GPALPP1: variants seen among roughly 807,000 people sequenced by gnomAD.
GPALPP1 encodes the protein GPALPP motifs-containing protein 1.
A neutral mutation model predicts 38.9 loss-of-function variants in GPALPP1; 30 were observed. The observed-to-expected ratio is 0.77, with a 90% CI of 0.58 to 1.05. The LOEUF (loss-of-function observed/expected upper bound fraction) is 1.05. Ranked by LOEUF, GPALPP1 falls within the 50% of genes least tolerant of loss-of-function variation. The probability of loss-of-function intolerance (pLI) is 0.00; values close to 1 mark genes in which losing one functional copy is unlikely to be tolerated. For missense variants in GPALPP1, 384 were observed against 408.8 expected (o/e 0.94, Z 0.52); for synonymous variants, 120 against 139.2 (o/e 0.86, Z 0.97).
At chr13:45,019,802 GT>G (rs139104792) in intron 6 of GPALPP1, among the ~76,000 whole-genome samples, 1 of 145,258 alleles carries the variant, frequency 6.9e-6, no homozygotes, top group African/African-American at 2.5e-5. Flanking sequence ...AGTGGAGTGG[GT>G]TTTTTTTTCC....
intron 3 of GPALPP1, among the ~76,000 whole-genome samples, chr13:45,008,155 G>A (rs1874230711): frequency 6.6e-6 from 1 of 152,198 alleles, no homozygotes; most frequent in Non-Finnish European, 1.5e-5. Context: ...GGAAACAGAT[G>A]CACTGCTTGA....
At chr13:45,027,090 C>T (rs1249334983) in intron 7 of GPALPP1, among the ~76,000 whole-genome samples, 3 of 152,146 alleles carry the variant, frequency 2.0e-5, no homozygotes, top group African/African-American at 7.2e-5. Flanking sequence ...GATACGTATA[C>T]CCCAGATTGA....
chr13:45,036,438 C>G (rs1876400185), exon 8 of GPALPP1: 2 of 152,220 alleles, frequency 1.3e-5, no homozygotes, highest in African/African-American at 4.8e-5. Context: ...AAAAAGGGAG[C>G]ACTGGTGGGC....
rs755761092 is a variant in GPALPP1, at chr13:44,995,202, A to ACACACACACACACC, written c.88+5461_88+5462insACACACACACACCC. 7.9e-4 allele frequency among the ~76,000 whole-genome samples: 43 copies of ACACACACACACACC among 54,554 alleles called. 1 individual carries two copies. In the East Asian group the frequency reaches 0.068, roughly 86 times the overall value. The allele number at this position is 54,554 out of a possible 152,430, so 35.8% of individuals were successfully genotyped here. A position where few individuals can be genotyped will look rare whatever the true frequency, so the allele number is the denominator to read the frequency against. ...CACACACACACACACACACACACAC[A>ACACACACACACACC]CCCCTTCTCTTTTGGTTTCTATGAT... is the stretch of plus-strand genomic sequence containing the variant. On this transcript the variant is annotated intron_variant, in intron 1 of 7. Coordinates refer to ENST00000379151, the MANE Select transcript of GPALPP1 (RefSeq NM_018559.5).
intron 7 of GPALPP1, among the ~76,000 whole-genome samples, chr13:45,024,789 G>A (rs746597376): frequency 2.6e-5 from 4 of 151,918 alleles, no homozygotes; most frequent in Admixed American, 6.6e-5. Context: ...TTAGCTGAGC[G>A]TGGTGGCGGG....
chr13:45,014,832 A>G, intron 4 of GPALPP1, 120 bp from the exon 5 acceptor site: 1 of 796,870 alleles, frequency 1.3e-6, no homozygotes, highest in Non-Finnish European at 1.9e-6. Flanking sequence ...CCAGCAATAC[A>G]TTGTTTACTT....
chr13:45,001,298 A>C (rs1385910555), intron 1 of GPALPP1, among the ~76,000 whole-genome samples: 1 of 152,182 alleles, frequency 6.6e-6, no homozygotes, highest in Non-Finnish European at 1.5e-5. Context: ...CTCCACAACC[A>C]TGCTGAACTG....
intron 3 of GPALPP1, among the ~76,000 whole-genome samples, chr13:45,006,593 G>A (rs1308979850): frequency 2.6e-5 from 4 of 152,140 alleles, no homozygotes; most frequent in African/African-American, 9.7e-5. Flanking sequence ...TTTATAAACA[G>A]ATAAGGTCAC....
intron 2 of GPALPP1, 47 bp downstream of exon 2, chr13:45,004,484 G>A: frequency 1.4e-6 from 2 of 1,429,638 alleles, no homozygotes; most frequent in Non-Finnish European, 9.8e-7. Context: ...TTCAGAGCTA[G>A]TATAAGTTGG....
chr13:45,019,470 T>C (rs894712334), intron 6 of GPALPP1, among the ~76,000 whole-genome samples: 1 of 152,032 alleles, frequency 6.6e-6, no homozygotes, highest in East Asian at 1.9e-4. Context: ...ATTTTGTATA[T>C]TGATCTTGTA....
At chr13:45,037,175 T>C (rs960094375) in exon 8 of GPALPP1, 1 of 152,356 alleles carries the variant, frequency 6.6e-6, no homozygotes, top group Admixed American at 6.5e-5. Context: ...TGGGGTAATG[T>C]TGGCCAAACA....
chr13:45,027,661 C>T (rs2138020309), intron 7 of GPALPP1, 124 bp from the exon 8 acceptor site: 1 of 513,518 alleles, frequency 1.9e-6, no homozygotes, highest in Non-Finnish European at 3.5e-6. Flanking sequence ...AAAAAAACTA[C>T]TGGGGTTTGT....
intron 1 of GPALPP1, among the ~76,000 whole-genome samples, chr13:45,004,079 C>A (rs1873894394): frequency 6.6e-6 from 1 of 151,974 alleles, no homozygotes; most frequent in Non-Finnish European, 1.5e-5. Flanking sequence ...ATTAACAAAG[C>A]TTTTGTGAAT....
At chr13:45,003,759 C>G (rs946196849) in intron 1 of GPALPP1, among the ~76,000 whole-genome samples, 21 of 152,244 alleles carry the variant, frequency 1.4e-4, no homozygotes, top group African/African-American at 4.8e-4. Context: ...ATTCTCTTCC[C>G]TGTATCTCTG....
At chr13:45,023,561 T>C (rs1271283502) in intron 7 of GPALPP1, among the ~76,000 whole-genome samples, 3 of 152,212 alleles carry the variant, frequency 2.0e-5, no homozygotes, top group African/African-American at 7.2e-5. Context: ...TCCTCAGTAG[T>C]GGCTTTAGGT....
At chr13:45,013,763 G>C (rs1201650448) in intron 4 of GPALPP1, among the ~76,000 whole-genome samples, 1 of 152,172 alleles carries the variant, frequency 6.6e-6, no homozygotes, top group African/African-American at 2.4e-5. Flanking sequence ...CATGCCTGAA[G>C]TCACAGGGCT....
intron 6 of GPALPP1, among the ~76,000 whole-genome samples, chr13:45,016,416 T>G (rs1328663042): frequency 1.3e-5 from 2 of 151,788 alleles, no homozygotes; most frequent in South Asian, 2.1e-4. Context: ...ATTGCGCCGC[T>G]GCACTCCAGC....
At chr13:45,014,725 T>C (rs1874709527) in intron 4 of GPALPP1, among the ~76,000 whole-genome samples, 1 of 151,824 alleles carries the variant, frequency 6.6e-6, no homozygotes, top group Admixed American at 6.6e-5. Context: ...GGAAGAGAGG[T>C]GGGAGGTGGG....
intron 1 of GPALPP1, among the ~76,000 whole-genome samples, chr13:45,004,099 G>T (rs530599557): frequency 2.6e-4 from 39 of 152,274 alleles, no homozygotes; most frequent in African/African-American, 7.7e-4. Flanking sequence ...TCTCATGAAA[G>T]AGATTGTGTA....
Sources: gnomAD v4.1 joint callset for allele counts (sites outside exome capture counted in the v4.1 genomes callset) on GRCh38, gnomAD v4.1.1 for gene constraint, MANE v1.5 for transcripts, NCBI Gene and HGNC (gene_info 2026-07-23, HGNC 2026-07-21) for gene names.